The following IFT81 variants were observed in gnomAD, a reference collection of about 807,000 sequenced individuals.
IFT81 encodes the protein intraflagellar transport 81.
IFT81 carries 72 observed loss-of-function variants against 102.6 expected under a neutral mutation model. That is an observed-to-expected ratio of 0.70 (90% CI 0.58 to 0.85). The LOEUF (loss-of-function observed/expected upper bound fraction) is 0.85, where lower values mean the gene tolerates loss of function less well. Among genes scored for constraint, IFT81 ranks in the 40% least tolerant of loss-of-function variants. The probability of loss-of-function intolerance (pLI) is 0.00; values close to 1 mark genes in which losing one functional copy is unlikely to be tolerated. For synonymous variants in IFT81, 237 were observed against 242.7 expected (o/e 0.98, Z 0.22); for missense variants, 723 against 787.3 (o/e 0.92, Z 0.98).
chr12:110,164,328 A>C (rs1264406621), intron 11 of IFT81, among the ~76,000 whole-genome samples: 1 of 152,176 alleles, frequency 6.6e-6, no homozygotes, highest in Non-Finnish European at 1.5e-5. Flanking sequence ...TCTTTTCATA[A>C]AATTAGCCCA....
chr12:110,202,606 C>T (rs1898348419), intron 14 of IFT81, among the ~76,000 whole-genome samples: 1 of 152,044 alleles, frequency 6.6e-6, no homozygotes, highest in South Asian at 2.1e-4. Flanking sequence ...GCACGTGCCA[C>T]CATGCCCAGC....
chr12:110,149,002 A>G (rs1039219628), intron 10 of IFT81, among the ~76,000 whole-genome samples: 3 of 152,186 alleles, frequency 2.0e-5, no homozygotes, highest in East Asian at 1.9e-4. Context: ...CCTAGACATT[A>G]TAAGTTTTAA....
intron 11 of IFT81, among the ~76,000 whole-genome samples, chr12:110,166,514 TA>T (rs1896443819): frequency 6.6e-6 from 1 of 152,028 alleles, no homozygotes; most frequent in Non-Finnish European, 1.5e-5. Context: ...TTAAAAATGG[TA>T]AAAGTGGTAA....
chr12:110,162,258 C>G (rs1896173150), intron 10 of IFT81: 1 of 151,344 alleles, frequency 6.6e-6, no homozygotes, highest in South Asian at 2.1e-4. Context: ...CTTGGTGTTA[C>G]CTTCTATTGA....
Position 110,180,497 on chromosome 12 carries a change from A to T in IFT81, c.1264A>T (p.Lys422Ter). 1 of 1,611,716 alleles carries T rather than the reference A, an allele frequency of 6.2e-7. No homozygotes were observed. The highest frequency in any genetic ancestry group is 8.5e-7 in the Non-Finnish European group (1 of 1,178,174). The change falls in exon 12 of 19, where the codon AAA becomes TAA. Residue 422 changes from lysine (K) to a stop codon, truncating the protein, a stop_gained. Transcript: ENST00000242591. LOFTEE classifies it high-confidence loss of function. ...GAAGCATCAGATAATAGCTGAACTT[A>T]AAGCTGAATTCGGTCTTTTGCAGAG... ...KKKHQIIAEL[K>*]AEFGLLQRTE...
chr12:110,152,443 T>C (rs536961833), intron 10 of IFT81, among the ~76,000 whole-genome samples: 1 of 152,356 alleles, frequency 6.6e-6, no homozygotes, highest in East Asian at 1.9e-4. Context: ...GCCATTTGTA[T>C]GTCTTTAATA....
chr12:110,130,817 TACAC>T (rs778845400), intron 4 of IFT81, among the ~76,000 whole-genome samples: 1 of 151,844 alleles, frequency 6.6e-6, no homozygotes, highest in Non-Finnish European at 1.5e-5. Context: ...GAAAGAGATA[TACAC>T]ACACACAATG....
At chr12:110,166,490 A>C (rs1896441748) in intron 11 of IFT81, among the ~76,000 whole-genome samples, 1 of 152,156 alleles carries the variant, frequency 6.6e-6, no homozygotes, top group African/African-American at 2.4e-5. Flanking sequence ...ACTTAAAGCC[A>C]CAGAACTGTA....
rs781227362 is a variant in IFT81 at position 110,205,419 on chromosome 12, C to T, written c.1645-24C>T. ...CTGTCTCATTCTTTCGATAATGTCA[C>T]CTATCTAAAATTATATATTATAGGA... On this transcript the variant is annotated intron_variant, in intron 15 of 18. Coordinates refer to ENST00000242591, the MANE Select transcript of IFT81 (RefSeq NM_014055.4). 5 of 1,565,674 alleles carry T rather than the reference C, an allele frequency of 3.2e-6. No individual in the cohort carries two copies. In the Admixed American group the frequency reaches 1.0e-4, roughly 33 times the overall value.
chr12:110,195,667 A>C (rs543432787), intron 14 of IFT81, among the ~76,000 whole-genome samples: 2 of 152,092 alleles, frequency 1.3e-5, no homozygotes, highest in African/African-American at 2.4e-5. Context: ...TAGACCTGTA[A>C]TTATTAGATC....
At chr12:110,147,892 C>A (rs1895313491) in intron 10 of IFT81, among the ~76,000 whole-genome samples, 1 of 152,110 alleles carries the variant, frequency 6.6e-6, no homozygotes, top group Admixed American at 6.6e-5. Context: ...TTTAACTTAA[C>A]CACAACATAC....
chr12:110,155,874 T>C (rs1895811623), intron 10 of IFT81, among the ~76,000 whole-genome samples: 1 of 152,180 alleles, frequency 6.6e-6, no homozygotes, highest in African/African-American at 2.4e-5. Context: ...ACCATGGGGA[T>C]TACATCCTGA....
chr12:110,135,069 G>T (rs1263523763), intron 6 of IFT81, 56 bp downstream of exon 6: 2 of 1,281,466 alleles, frequency 1.6e-6, no homozygotes, highest in South Asian at 1.3e-5. Context: ...GACTTGCAAA[G>T]ATTTAGGAAT....
At chr12:110,126,488 C>T (rs937172530) in intron 1 of IFT81, among the ~76,000 whole-genome samples, 1 of 151,592 alleles carries the variant, frequency 6.6e-6, no homozygotes, top group African/African-American at 2.4e-5. Context: ...AGGAGGGGTG[C>T]GCAGTCATTT....
In IFT81 at chr12:110,133,924, G is replaced by T. The variant is rs1005976237; in HGVS notation, c.520-1024G>T. 3.9e-5 allele frequency among the ~76,000 whole-genome samples: 6 copies of T among 152,168 alleles called. 1 individual carries two copies. The highest frequency in any genetic ancestry group is 1.2e-4 in the African/African-American group (5 of 41,436). ...TGCATTAATGAGAATCTTTACAGAG[G>T]ATGTCTTTTCATGAATGTTTTATTC... is the stretch of plus-strand genomic sequence containing the variant. On this transcript the variant is annotated intron_variant, in intron 5 of 18. Coordinates refer to ENST00000242591, the MANE Select transcript of IFT81 (RefSeq NM_014055.4).
At chr12:110,165,171 G>T (rs1424647694) in intron 11 of IFT81, among the ~76,000 whole-genome samples, 3 of 152,038 alleles carry the variant, frequency 2.0e-5, no homozygotes, top group African/African-American at 7.2e-5. Context: ...ACAATGTCTG[G>T]TCGGAAAAGA....
At chr12:110,130,813 G>A (rs1057220313) in intron 4 of IFT81, among the ~76,000 whole-genome samples, 2 of 151,632 alleles carry the variant, frequency 1.3e-5, no homozygotes, top group Non-Finnish European at 2.9e-5. Context: ...ATGAGAAAGA[G>A]ATATACACAC....
rs767908870 is a variant in IFT81 at position 110,218,181 on chromosome 12, T to G, written c.1986T>G (p.Ile662Met). 8.8e-6 allele frequency: 14 copies of G among 1,583,254 alleles called. No individual in the cohort carries two copies. In the East Asian group the frequency reaches 2.9e-4, roughly 33 times the overall value. Residue 662 changes from isoleucine (I) to methionine (M), a missense_variant, in exon 19 of 19, where the codon ATT becomes ATG. Ile to Met is a conservative substitution (Grantham distance 10, BLOSUM62 1). Transcript: ENST00000242591. ...CFLKQQSQTS[I>M]GQVIQEGGED... ...TGAAACAACAAAGCCAAACTTCCAT[T>G]GGTCAGGTAATTCAGGAGGGTGGGG...
intron 18 of IFT81, among the ~76,000 whole-genome samples, chr12:110,210,956 A>G (rs1409310558): frequency 1.3e-5 from 2 of 149,328 alleles, no homozygotes; most frequent in Non-Finnish European, 3.0e-5. Context: ...CCCACGCTCA[A>G]GCGATCCTCC....
Sources: gnomAD v4.1 joint callset for allele counts (sites outside exome capture counted in the v4.1 genomes callset) on GRCh38, gnomAD v4.1.1 for gene constraint, MANE v1.5 for transcripts, NCBI Gene and HGNC (gene_info 2026-07-23, HGNC 2026-07-21) for gene names.